Variants in TDRD12 observed in about 807,000 individuals in gnomAD.
The protein encoded by TDRD12 is tudor domain containing 12, also known as putative ATP-dependent RNA helicase TDRD12.
Under a neutral mutation model 133.5 loss-of-function variants are expected in TDRD12, and 158 were observed. The observed-to-expected ratio is 1.18, with a 90% CI of 1.04 to 1.35. TDRD12 has a LOEUF of 1.35. Among genes scored for constraint, TDRD12 ranks in the 40% most tolerant of loss-of-function variants. TDRD12 has a pLI of 0.00. For missense variants in TDRD12, 1,443 were observed against 1,321.3 expected, an observed-to-expected ratio of 1.09 and a Z score of -1.43; for synonymous variants, 460 against 477.9, an observed-to-expected ratio of 0.96 and a Z score of 0.49.
At chr19:32,790,897 A>C (rs1188838179) in intron 12 of TDRD12, 67 bp from the exon 13 acceptor site, 1 of 1,492,800 alleles carries the variant, frequency 6.7e-7, no homozygotes. Context: ...ATTTCTGTGA[A>C]GTTCTTGATC....
chr19:32,720,878 G>A (rs942557538), intron 1 of TDRD12, among the ~76,000 whole-genome samples: 2 of 135,250 alleles, frequency 1.5e-5, no homozygotes, highest in South Asian at 5.6e-4. Flanking sequence ...GTAGAACCCG[G>A]ATGAGCCCGG....
chr19:32,823,949 G>T (rs1024884149), downstream of TDRD12, among the ~76,000 whole-genome samples: 9 of 152,182 alleles, frequency 5.9e-5, no homozygotes, highest in African/African-American at 2.2e-4. Flanking sequence ...CAGCCAGGTG[G>T]GTCCCCCAAA....
intron 26 of TDRD12, among the ~76,000 whole-genome samples, chr19:32,817,375 C>T (rs1415743835): frequency 6.6e-6 from 1 of 152,010 alleles, no homozygotes; most frequent in Non-Finnish European, 1.5e-5. Flanking sequence ...CACTGTTTAC[C>T]CTTTTGTGCC....
intron 8 of TDRD12, among the ~76,000 whole-genome samples, chr19:32,766,616 C>T (rs569701958): frequency 2.1e-5 from 3 of 144,740 alleles, no homozygotes; most frequent in Non-Finnish European, 4.7e-5. Context: ...AGCTTATTAG[C>T]CATAATTTTT....
At position 32,800,782 on chromosome 19, in the gene TDRD12, T is replaced by C; in HGVS notation, c.2079+10T>C. 1.3e-6 allele frequency: 2 copies of C among 1,511,388 alleles called. No individual in the cohort carries two copies. The highest frequency in any genetic ancestry group is 5.0e-5 in the East Asian group (2 of 40,210). The allele number at this position is 1,511,388 out of a possible 1,614,324, so 93.6% of individuals were successfully genotyped here. Reference sequence around the variant, plus strand: ...AGAAATAGTGTGTAAGGTGAGTCCATCTCCATATAAAAAATGTTCTGTTTG... The same window carrying C: ...AGAAATAGTGTGTAAGGTGAGTCCACCTCCATATAAAAAATGTTCTGTTTG... On this transcript the variant is annotated intron_variant, in intron 18 of 27. Coordinates refer to ENST00000444215, the Ensembl canonical transcript of TDRD12.
intron 24 of TDRD12, among the ~76,000 whole-genome samples, chr19:32,812,407 A>G (rs1967038881): frequency 6.6e-6 from 1 of 152,254 alleles, no homozygotes; most frequent in African/African-American, 2.4e-5. Flanking sequence ...AAATAAGTTA[A>G]TTGCAATTGG....
chr19:32,796,183 A>C (rs1971220014), intron 14 of TDRD12: 1 of 985,274 alleles, frequency 1.0e-6, no homozygotes, highest in Admixed American at 6.1e-5. Context: ...GGTGCTCCAG[A>C]CGGGGCTCCA....
chr19:32,773,169 G>C (rs1970485063), intron 9 of TDRD12, among the ~76,000 whole-genome samples: 2 of 152,168 alleles, frequency 1.3e-5, no homozygotes, highest in East Asian at 1.9e-4. Context: ...AGTCTAATCT[G>C]CTCTCCGTCC....
chr19:32,737,617 A>T (rs1158587191), intron 2 of TDRD12, among the ~76,000 whole-genome samples: 2 of 151,954 alleles, frequency 1.3e-5, no homozygotes, highest in Admixed American at 6.6e-5. Flanking sequence ...GCAGCCTCCA[A>T]TTCCTGGGTT....
At chr19:32,773,364 G>A (rs1970490783) in intron 9 of TDRD12, 92 bp from the exon 10 acceptor site, 1 of 1,118,892 alleles carries the variant, frequency 8.9e-7, no homozygotes, top group Admixed American at 2.0e-5. Context: ...GGTTGTTCAT[G>A]AGAATAACTC....
chr19:32,792,656 C>G (rs1246295651), intron 13 of TDRD12, among the ~76,000 whole-genome samples: 1 of 152,154 alleles, frequency 6.6e-6, no homozygotes, highest in Non-Finnish European at 1.5e-5. Flanking sequence ...AGGACATTTT[C>G]TGAAGATTAA....
rs1384924741 is a variant in TDRD12 at position 32,731,705 on chromosome 19, G to A, written c.25-20G>A. 1.3e-6 allele frequency: 2 copies of A among 1,524,790 alleles called. No homozygotes were observed. Among genetic ancestry groups the A allele is most frequent in the African/African-American group, 1.4e-5 (1 of 71,716 alleles). The allele number at this position is 1,524,790 out of a possible 1,614,324, so 94.5% of individuals were successfully genotyped here. A position where few individuals can be genotyped will look rare whatever the true frequency, so the allele number is the denominator to read the frequency against. ...TTTTAAATCATACGCTGTTCTGTTT[G>A]TCTTTTAAAAAATTTACAGATTGAA... On this transcript the variant is annotated intron_variant, in intron 1 of 27. Coordinates refer to ENST00000444215, the Ensembl canonical transcript of TDRD12.
chr19:32,782,893 A>G (rs1302162097), intron 11 of TDRD12, among the ~76,000 whole-genome samples: 2 of 152,242 alleles, frequency 1.3e-5, no homozygotes, highest in Non-Finnish European at 2.9e-5. Flanking sequence ...ATAGATTGCA[A>G]AAATGTTCTA....
At chr19:32,721,839 C>T (rs1968689173) in intron 1 of TDRD12, among the ~76,000 whole-genome samples, 1 of 151,690 alleles carries the variant, frequency 6.6e-6, no homozygotes, top group Non-Finnish European at 1.5e-5. Flanking sequence ...TCCCAAGTAG[C>T]TGGGACTACA....
intron 4 of TDRD12, among the ~76,000 whole-genome samples, chr19:32,745,222 G>A (rs1027978839): frequency 6.6e-6 from 1 of 152,198 alleles, no homozygotes; most frequent in Admixed American, 6.5e-5. Context: ...TCCCCTCAGA[G>A]GCAGTTGGTC....
intron 8 of TDRD12, among the ~76,000 whole-genome samples, chr19:32,768,235 T>C (rs1333658284): frequency 6.6e-6 from 1 of 152,146 alleles, no homozygotes; most frequent in Non-Finnish European, 1.5e-5. Context: ...CCAGGATAAC[T>C]AACAGACCCT....
intron 18 of TDRD12, 55 bp downstream of exon 18, chr19:32,800,827 A>C: frequency 4.4e-4 from 625 of 1,435,080 alleles, no homozygotes; most frequent in Middle Eastern, 5.3e-4. Context: ...GTCGAATCTC[A>C]AGTCATCACA....
At chr19:32,775,107 T>A (rs1970543849) in intron 10 of TDRD12, among the ~76,000 whole-genome samples, 1 of 152,186 alleles carries the variant, frequency 6.6e-6, no homozygotes, top group Non-Finnish European at 1.5e-5. Flanking sequence ...CTACAAATAT[T>A]TTTTTCTGCA....
At position 32,796,988 on chromosome 19, in the gene TDRD12, T is replaced by TC. The variant is rs1408131697; in HGVS notation, c.1474-747_1474-746insC. Among the ~76,000 whole-genome samples, 6 of 151,348 alleles carry TC rather than the reference T, an allele frequency of 4.0e-5. No homozygotes were observed. The East Asian group carries it at 7.8e-4, about 20-fold the overall frequency. The stretch of plus-strand genomic sequence containing the variant: ...TAAGGAAGAGAGGTTCGTCTTTTTT[T>TC]TTTTTTTTTTGAGATGGAGTCTCGC... On this transcript the variant is annotated intron_variant, in intron 14 of 27. Transcript: ENST00000444215.
Sources: gnomAD v4.1 joint callset for allele counts (sites outside exome capture counted in the v4.1 genomes callset) on GRCh38, gnomAD v4.1.1 for gene constraint, MANE v1.5 for transcripts, NCBI Gene and HGNC (gene_info 2026-07-23, HGNC 2026-07-21) for gene names.